The following ADARB1 variants were observed in gnomAD, a reference collection of about 807,000 sequenced individuals.
The protein encoded by ADARB1 is adenosine deaminase RNA specific B1, also known as double-stranded RNA-specific editase 1.
ADARB1 carries 10 observed loss-of-function variants against 52.4 expected under a neutral mutation model. The ratio of observed to expected loss-of-function variants is 0.19; its 90% CI spans 0.12 to 0.32. ADARB1 has a LOEUF of 0.32. ADARB1 is among the 10% of genes least tolerant of loss of function. The pLI is 1.00. For synonymous variants in ADARB1, 349 were observed against 371.1 expected (o/e 0.94, Z 0.68); for missense variants, 643 against 922.3 (o/e 0.70, Z 3.92).
intron 1 of ADARB1, among the ~76,000 whole-genome samples, chr21:45,125,046 C>G (rs920895659): frequency 1.3e-5 from 2 of 152,166 alleles, no homozygotes; most frequent in African/African-American, 4.8e-5. Context: ...ATCCACCTGC[C>G]TCAGCCTCCC....
At chr21:45,170,004 C>G (rs774799479) in intron 2 of ADARB1, among the ~76,000 whole-genome samples, 2 of 152,244 alleles carry the variant, frequency 1.3e-5, no homozygotes, top group Non-Finnish European at 2.9e-5. Context: ...CATCTCACCT[C>G]CCATTCTAGA....
intron 2 of ADARB1, among the ~76,000 whole-genome samples, chr21:45,170,592 T>TTA (rs1375421476): frequency 1.3e-5 from 2 of 151,572 alleles, no homozygotes; most frequent in African/African-American, 4.8e-5. Context: ...ATATATATTT[T>TTA]TAGATATATG....
In ADARB1 at chr21:45,182,585, G is replaced by A; in HGVS notation, c.1079G>A (p.Gly360Asp). The A allele has an allele frequency of 6.3e-7, 1 of 1,578,974 alleles. No individual in the cohort carries two copies. The highest frequency in any genetic ancestry group is 8.5e-7 in the Non-Finnish European group (1 of 1,169,974). The change falls in exon 6 of 11, where the codon GGC becomes GAC. Residue 360 changes from glycine (G) to aspartate (D), a missense_variant and splice_region_variant. Transcript: ENST00000348831. ...TAGTGTCTCTTTTTTTTTTTTTCAGGCACAGATGTTAAAGATGCCAAGGTG... is the reference window on the plus strand; with the variant it reads ...TAGTGTCTCTTTTTTTTTTTTTCAGACACAGATGTTAAAGATGCCAAGGTG... ...KVLAGVVMTT[G>D]TDVKDAKVIS...
intron 1 of ADARB1, among the ~76,000 whole-genome samples, chr21:45,111,463 A>C (rs556162862): frequency 6.6e-6 from 1 of 151,982 alleles, no homozygotes; most frequent in South Asian, 2.1e-4. Flanking sequence ...CCATGTTGAC[A>C]CCTCATTACC....
chr21:45,222,853 C>A lies in ADARB1; in HGVS notation c.*656C>A. Reference sequence around the variant, plus strand: ...TGGTGTAGCGTGGCCCTGTCATGCACATGGGGTCCCGCAGCAGTGACTGTG... The same window carrying A: ...TGGTGTAGCGTGGCCCTGTCATGCAAATGGGGTCCCGCAGCAGTGACTGTG... On this transcript the variant is annotated 3_prime_UTR_variant, in exon 11 of 11. Transcript: ENST00000348831. 1.0e-6 allele frequency: 1 copy of A among 985,522 alleles called. No individual in the cohort carries two copies. Among genetic ancestry groups the A allele is most frequent in the Non-Finnish European group, 1.2e-6 (1 of 829,996 alleles). 61.0% of individuals were successfully genotyped at this position (985,522 alleles called of 1,614,324 possible). A position where few individuals can be genotyped will look rare whatever the true frequency, so the allele number is the denominator to read the frequency against.
chr21:45,168,056 C>T (rs572143180), intron 2 of ADARB1, among the ~76,000 whole-genome samples: 10 of 152,114 alleles, frequency 6.6e-5, no homozygotes, highest in African/African-American at 2.2e-4. Context: ...AGGTGTGCAG[C>T]GGAGTTATCT....
chr21:45,146,485 C>G (rs777954365), intron 2 of ADARB1, among the ~76,000 whole-genome samples: 1 of 152,226 alleles, frequency 6.6e-6, no homozygotes, highest in Admixed American at 6.5e-5. Context: ...CCTGCTAGAG[C>G]TGGCAGGACA....
chr21:45,082,247 A>G (rs912354700), intron 1 of ADARB1, among the ~76,000 whole-genome samples: 1 of 152,240 alleles, frequency 6.6e-6, no homozygotes, highest in East Asian at 1.9e-4. Context: ...ATTTGTTTGT[A>G]TAGATACCTC....
intron 9 of ADARB1, among the ~76,000 whole-genome samples, chr21:45,211,784 G>C (rs371718282): frequency 4.6e-5 from 7 of 152,124 alleles, no homozygotes; most frequent in Non-Finnish European, 8.8e-5. Flanking sequence ...TCTGTACCGC[G>C]GCCTGGGATT....
At chr21:45,109,750 T>G (rs2087450294) in intron 1 of ADARB1, among the ~76,000 whole-genome samples, 1 of 152,254 alleles carries the variant, frequency 6.6e-6, no homozygotes, top group Non-Finnish European at 1.5e-5. Flanking sequence ...AACGTCTTGA[T>G]GCCCCTCTTT....
At position 45,176,693 on chromosome 21, in the gene ADARB1, A is replaced by G; in HGVS notation, c.963+29A>G. 6.4e-7 allele frequency: 1 copy of G among 1,559,534 alleles called. No homozygotes were observed. Among genetic ancestry groups the G allele is most frequent in the Non-Finnish European group, 8.7e-7 (1 of 1,152,494 alleles). ...AGGAACTATGCTGCTGCTTTAAAAC[A>G]CGGGGTCATTGCTCTTGGTAATGCT... On this transcript the variant is annotated intron_variant, in intron 4 of 10. Transcript: ENST00000348831. The surrounding 1 kb of genome is among the most constrained non-coding windows in gnomAD (Gnocchi z 5.8).
In ADARB1 at chr21:45,084,590, G is replaced by C. The variant is rs187854868; in HGVS notation, c.-220+9797G>C. On this transcript the variant is annotated intron_variant, in intron 1 of 10. Transcript: ENST00000348831. The stretch of plus-strand genomic sequence containing the variant: ...AGTTGTCTTGAATTAAATTGAGCAG[G>C]GGTTGTTTTTCACTTCTGTAAGTCC... Among the ~76,000 whole-genome samples the C allele has an allele frequency of 3.1e-3, 477 of 152,266 alleles. 4 individuals carry two copies. Among genetic ancestry groups the C allele is most frequent in the Middle Eastern group, 0.014 (4 of 294 alleles).
intron 8 of ADARB1, among the ~76,000 whole-genome samples, chr21:45,186,041 GTTTATTTA>G (rs903426364): frequency 5.9e-5 from 9 of 152,202 alleles, no homozygotes; most frequent in African/African-American, 1.9e-4. Flanking sequence ...ACTGTGATGT[GTTTATTTA>G]TTATTTGTCC....
intron 1 of ADARB1, among the ~76,000 whole-genome samples, chr21:45,085,496 CTT>C (rs975730637): frequency 6.6e-6 from 1 of 152,220 alleles, no homozygotes; most frequent in African/African-American, 2.4e-5. Flanking sequence ...TGATTGGACT[CTT>C]TACGTCTACT....
chr21:45,125,234 C>T (rs144882953), intron 1 of ADARB1, among the ~76,000 whole-genome samples: 241 of 152,322 alleles, frequency 1.6e-3, no homozygotes, highest in African/African-American at 5.6e-3. Context: ...GTTTCTCTTG[C>T]CGCCTGATGA....
rs1298394382 is a variant in ADARB1, at chr21:45,175,945, G to A, written c.244G>A (p.Ala82Thr). 2 of 1,610,358 alleles carry A rather than the reference G, an allele frequency of 1.2e-6. No individual in the cohort carries two copies. Among genetic ancestry groups the A allele is most frequent in the Non-Finnish European group, 1.7e-6 (2 of 1,178,396 alleles). ...KTPGPVLPKN[A>T]LMQLNEIKPG... is the part of the protein sequence containing the mutation. ...ACCAGGGCCCGTCCTCCCCAAGAAC[G>A]CCCTGATGCAGCTGAATGAGATCAA... is the stretch of plus-strand genomic sequence containing the variant. Residue 82 changes from alanine to threonine, a missense_variant, in exon 4 of 11, where the codon GCC becomes ACC. This residue lies in a region of ADARB1 where 380 missense variants were observed against 446.5 expected (regional missense o/e 0.85). Coordinates refer to ENST00000348831, the MANE Select transcript of ADARB1 (RefSeq NM_001112.4).
At chr21:45,079,170 G>T (rs746399110) in intron 1 of ADARB1, among the ~76,000 whole-genome samples, 11 of 152,192 alleles carry the variant, frequency 7.2e-5, no homozygotes, top group Non-Finnish European at 1.6e-4. Flanking sequence ...TTCAGCATTT[G>T]TAAGATGCCA....
At chr21:45,102,623 T>G (rs532384534) in intron 1 of ADARB1, among the ~76,000 whole-genome samples, 24 of 152,284 alleles carry the variant, frequency 1.6e-4, no homozygotes, top group African/African-American at 4.6e-4. Context: ...AGGAGCCAAC[T>G]GAAAGAGCTC....
intron 2 of ADARB1, among the ~76,000 whole-genome samples, chr21:45,158,716 C>T (rs1182619985): frequency 1.3e-5 from 2 of 152,192 alleles, no homozygotes; most frequent in East Asian, 3.8e-4. Flanking sequence ...TGCTTAGCAG[C>T]TATTTATTCT....
Sources: gnomAD v4.1 joint callset for allele counts (sites outside exome capture counted in the v4.1 genomes callset) on GRCh38, gnomAD v4.1.1 for gene constraint, gnomAD v4.1.1 regional missense constraint, Gnocchi (gnomAD v3.1) non-coding constraint, MANE v1.5 for transcripts, NCBI Gene and HGNC (gene_info 2026-07-23, HGNC 2026-07-21) for gene names.